The following PSMD14 variants were observed in gnomAD, a reference collection of about 807,000 sequenced individuals.
PSMD14 encodes proteasome 26S subunit, non-ATPase 14.
In PSMD14, 7 loss-of-function variants were observed where a neutral mutation model predicts 41.2. The ratio of observed to expected loss-of-function variants is 0.17; its 90% CI spans 0.10 to 0.32. The LOEUF (loss-of-function observed/expected upper bound fraction) is 0.32, where lower values mean the gene tolerates loss of function less well. Among genes scored for constraint, PSMD14 ranks in the 10% least tolerant of loss-of-function variants. PSMD14 has a pLI of 1.00. For synonymous variants in PSMD14, 114 were observed against 122.3 expected (o/e 0.93, Z 0.45); for missense variants, 139 against 375.6 (o/e 0.37, Z 5.21).
chr2:161,382,526 A>G (rs1453969203), intron 7 of PSMD14: 1 of 151,822 alleles, frequency 6.6e-6, no homozygotes, highest in Non-Finnish European at 1.5e-5. Context: ...GTTTTGTTAT[A>G]AGCTGTCTAC....
At chr2:161,396,593 G>A (rs1683799399) in intron 10 of PSMD14, among the ~76,000 whole-genome samples, 1 of 152,084 alleles carries the variant, frequency 6.6e-6, no homozygotes, top group African/African-American at 2.4e-5. Flanking sequence ...ACTCATAGAA[G>A]TAGAGAGTAG....
chr2:161,388,341 G>A (rs1178334225), intron 8 of PSMD14, among the ~76,000 whole-genome samples: 2 of 152,040 alleles, frequency 1.3e-5, no homozygotes, highest in Non-Finnish European at 1.5e-5. Context: ...TAGTACATGA[G>A]GAAACCTGAG....
Position 161,353,644 on chromosome 2 carries a change from C to G in PSMD14, c.49-13834C>G, listed in dbSNP as rs567971865. On this transcript the variant is annotated intron_variant, in intron 3 of 11. Transcript: ENST00000409682. ...AAGATTTTACCCAATAGATTGCTGT[C>G]ACTTATGTGTGTGTTCCCTATTTAT... 6.4e-4 allele frequency among the ~76,000 whole-genome samples: 98 copies of G among 152,292 alleles called. 1 individual carries two copies. The highest frequency in any genetic ancestry group is 2.3e-3 in the African/African-American group (96 of 41,574).
At chr2:161,338,144 A>G (rs1236698488) in intron 3 of PSMD14, among the ~76,000 whole-genome samples, 6 of 152,240 alleles carry the variant, frequency 3.9e-5, no homozygotes, top group Admixed American at 3.9e-4. Flanking sequence ...GGTGAGTTGT[A>G]GAGCCCTTGA....
In PSMD14 at chr2:161,408,916, A is replaced by G. The variant is rs1292269245; in HGVS notation, c.834+17A>G. ...GGCAAGCAGGTGAGGTGTACTGTTA[A>G]TAAGTTATGCAGTTGCATAATAACA... On this transcript the variant is annotated intron_variant, in intron 11 of 11. Coordinates refer to ENST00000409682, the MANE Select transcript of PSMD14 (RefSeq NM_005805.6). The G allele has an allele frequency of 5.1e-6, 8 of 1,580,114 alleles. No homozygotes were observed. The highest frequency in any genetic ancestry group is 1.7e-5 in the Admixed American group (1 of 59,072).
chr2:161,388,834 C>T (rs1358685033), intron 8 of PSMD14, among the ~76,000 whole-genome samples: 1 of 152,168 alleles, frequency 6.6e-6, no homozygotes, highest in East Asian at 1.9e-4. Flanking sequence ...ACCTGCTTTT[C>T]CACAGCAGTG....
intron 3 of PSMD14, among the ~76,000 whole-genome samples, chr2:161,366,212 C>T (rs1008398950): frequency 3.3e-5 from 5 of 152,066 alleles, no homozygotes; most frequent in Non-Finnish European, 5.9e-5. Flanking sequence ...AACTTTATTG[C>T]CTGGCATTTA....
chr2:161,401,009 T>G (rs1414361202), intron 10 of PSMD14, among the ~76,000 whole-genome samples: 1 of 152,246 alleles, frequency 6.6e-6, no homozygotes, highest in Middle Eastern at 3.2e-3. Context: ...GGCACCATTC[T>G]CAGTTAAGAA....
chr2:161,327,814 T>C (rs964618554), intron 3 of PSMD14, among the ~76,000 whole-genome samples: 2 of 151,710 alleles, frequency 1.3e-5, no homozygotes, highest in African/African-American at 2.4e-5. Context: ...AAAAAAGTTA[T>C]GAAAAGATAG....
chr2:161,315,075 A>G (rs1195333080), intron 1 of PSMD14, among the ~76,000 whole-genome samples: 1 of 152,210 alleles, frequency 6.6e-6, no homozygotes, highest in African/African-American at 2.4e-5. Context: ...TTTTGTTTAT[A>G]TCAGTGGTTC....
chr2:161,338,572 A>G (rs181754964), intron 3 of PSMD14, among the ~76,000 whole-genome samples: 75 of 152,336 alleles, frequency 4.9e-4, no homozygotes, highest in African/African-American at 1.7e-3. Flanking sequence ...AAGGCATTCA[A>G]TAACTTTATA....
rs571184967 is a variant in PSMD14 at position 161,333,883 on chromosome 2, T to G, written c.48+15010T>G. 4.0e-5 allele frequency among the ~76,000 whole-genome samples: 6 copies of G among 151,620 alleles called. No individual in the cohort carries two copies. In the South Asian group the frequency reaches 1.3e-3, roughly 32 times the overall value. Reference sequence around the variant, plus strand: ...CCATCTCTACTAAAAATACAAAAATTAGCCAGGCATGGTGGCATGCACCTG... The same window carrying G: ...CCATCTCTACTAAAAATACAAAAATGAGCCAGGCATGGTGGCATGCACCTG... On this transcript the variant is annotated intron_variant, in intron 3 of 11. Coordinates refer to ENST00000409682, the MANE Select transcript of PSMD14 (RefSeq NM_005805.6).
intron 3 of PSMD14, among the ~76,000 whole-genome samples, chr2:161,356,019 A>G (rs144646755): frequency 2.0e-5 from 3 of 151,214 alleles, no homozygotes; most frequent in African/African-American, 4.9e-5. Context: ...TCTGAATAAT[A>G]TAGTCATTGA....
At chr2:161,320,915 T>A (rs933839929) in intron 3 of PSMD14, among the ~76,000 whole-genome samples, 1 of 151,786 alleles carries the variant, frequency 6.6e-6, no homozygotes, top group Non-Finnish European at 1.5e-5. Context: ...TAGTAGAGAC[T>A]ATGTTTCACC....
intron 3 of PSMD14, among the ~76,000 whole-genome samples, chr2:161,322,041 C>T (rs536935947): frequency 1.3e-5 from 2 of 152,148 alleles, no homozygotes; most frequent in African/African-American, 2.4e-5. Context: ...CTCTAATTAC[C>T]GTGTTGGTCT....
intron 3 of PSMD14, among the ~76,000 whole-genome samples, chr2:161,325,148 G>T (rs181125179): frequency 7.2e-4 from 109 of 152,012 alleles, no homozygotes; most frequent in Non-Finnish European, 1.2e-3. Context: ...TATGCAGCAG[G>T]GTATATAATG....
chr2:161,403,007 C>T (rs560007153), intron 10 of PSMD14, among the ~76,000 whole-genome samples: 8 of 152,312 alleles, frequency 5.3e-5, no homozygotes, highest in African/African-American at 1.7e-4. Context: ...GTTAAACAGA[C>T]AGTTCCCATA....
intron 1 of PSMD14, among the ~76,000 whole-genome samples, 184 bp from the exon 2 acceptor site, chr2:161,316,253 A>T (rs1321144693): frequency 1.3e-5 from 2 of 152,236 alleles, no homozygotes; most frequent in African/African-American, 4.8e-5. Context: ...TACAGGGTTA[A>T]TCACTGTGCT....
intron 7 of PSMD14, chr2:161,381,637 T>C (rs1438991344): frequency 6.6e-6 from 1 of 151,878 alleles, no homozygotes; most frequent in Non-Finnish European, 1.5e-5. Flanking sequence ...AACACAAATT[T>C]TAAAATAAAT....
Sources: gnomAD v4.1 joint callset for allele counts (sites outside exome capture counted in the v4.1 genomes callset) on GRCh38, gnomAD v4.1.1 for gene constraint, MANE v1.5 for transcripts, NCBI Gene and HGNC (gene_info 2026-07-23, HGNC 2026-07-21) for gene names.